The following PLOD2 variants were observed in gnomAD, a reference collection of about 807,000 sequenced individuals.
PLOD2 encodes lysine hydroxylase 2.
Under a neutral mutation model 101.0 loss-of-function variants are expected in PLOD2, and 65 were observed. The observed-to-expected ratio is 0.64, with a 90% CI of 0.53 to 0.79. The LOEUF is 0.79. Among genes scored for constraint, PLOD2 ranks in the 30% least tolerant of loss-of-function variants. The pLI is 0.00. For missense variants in PLOD2, 909 were observed against 914.6 expected (o/e 0.99, Z 0.08); for synonymous variants, 314 against 302.9 (o/e 1.04, Z -0.38).
chr3:146,117,996 CA>C (rs1937993198), intron 3 of PLOD2, among the ~76,000 whole-genome samples: 1 of 151,944 alleles, frequency 6.6e-6, no homozygotes, highest in Non-Finnish European at 1.5e-5. Flanking sequence ...TCCTAAAACC[CA>C]AAAGGAAGCT....
rs533002392 is a variant in PLOD2 at position 146,099,976 on chromosome 3, G to T, written c.777+2779C>A. Among the ~76,000 whole-genome samples the T allele has an allele frequency of 1.6e-4, 25 of 151,672 alleles. No individual in the cohort carries two copies. The South Asian group carries it at 2.3e-3, about 14-fold the overall frequency. ...TGGCTCACTGCAACCTGTCTCCCGG[G>T]TTGAAGCGATTCTCCTGCCTCAGCC... On this transcript the variant is annotated intron_variant, in intron 7 of 19. Transcript: ENST00000282903.
intron 3 of PLOD2, among the ~76,000 whole-genome samples, chr3:146,117,217 C>T (rs762075617): frequency 9.2e-5 from 14 of 152,050 alleles, no homozygotes; most frequent in Non-Finnish European, 1.9e-4. Flanking sequence ...TGATAGTGAC[C>T]TATGCTTCCA....
intron 7 of PLOD2, among the ~76,000 whole-genome samples, chr3:146,099,047 T>A (rs565770869): frequency 3.9e-4 from 60 of 152,256 alleles, no homozygotes; most frequent in African/African-American, 1.4e-3. Flanking sequence ...AAATATAATA[T>A]CTATAATAAA....
chr3:146,072,775 A>G lies in PLOD2; in HGVS notation c.1744-110T>C, dbSNP rs557523830. 1,249 of 725,240 alleles carry G rather than the reference A, an allele frequency of 1.7e-3. 25 individuals carry two copies. In the South Asian group the frequency reaches 0.019, roughly 11 times the overall value. 44.9% of individuals were successfully genotyped at this position (725,240 alleles called of 1,614,324 possible). A position where few individuals can be genotyped will look rare whatever the true frequency, so the allele number is the denominator to read the frequency against. ...AAAAAATCCTGTATGACTAGGAAAC[A>G]TAGTTTTCTGTCATGGTTTATTGAC... On this transcript the variant is annotated intron_variant, in intron 16 of 19. Coordinates refer to ENST00000282903, the MANE Select transcript of PLOD2 (RefSeq NM_182943.3).
At chr3:146,153,317 T>C (rs1193304356) in intron 1 of PLOD2, among the ~76,000 whole-genome samples, 1 of 152,148 alleles carries the variant, frequency 6.6e-6, no homozygotes, top group Non-Finnish European at 1.5e-5. Flanking sequence ...AAAGATGAGA[T>C]AGCTGTTGGT....
intron 11 of PLOD2, among the ~76,000 whole-genome samples, chr3:146,083,193 A>C (rs1343430595): frequency 6.6e-6 from 1 of 152,182 alleles, no homozygotes; most frequent in Non-Finnish European, 1.5e-5. Context: ...TGTATACCTC[A>C]ATGTTTTTGT....
intron 14 of PLOD2, chr3:146,077,659 C>T (rs1484181164): frequency 8.7e-6 from 4 of 461,122 alleles, no homozygotes; most frequent in Non-Finnish European, 1.5e-5. Context: ...AAATATAAAT[C>T]AGCTCAAAGA....
intron 1 of PLOD2, among the ~76,000 whole-genome samples, chr3:146,133,998 A>G (rs2031080845): frequency 6.6e-6 from 1 of 152,190 alleles, no homozygotes; most frequent in Non-Finnish European, 1.5e-5. Flanking sequence ...GAGTTTAACC[A>G]GTAGGTTCAG....
intron 13 of PLOD2, among the ~76,000 whole-genome samples, chr3:146,078,534 A>G (rs1238667537): frequency 4.0e-5 from 6 of 151,862 alleles, no homozygotes; most frequent in Non-Finnish European, 8.8e-5. Flanking sequence ...TAGTCATTTT[A>G]AGTTTTATAA....
rs1314762402 is a variant in PLOD2 at position 146,102,872 on chromosome 3, T to C, written c.680-20A>G. On this transcript the variant is annotated intron_variant, in intron 6 of 19. Coordinates refer to ENST00000282903, the MANE Select transcript of PLOD2 (RefSeq NM_182943.3). ...CTTCATCTGGGTTAAAAAGAGAAAA[T>C]AGGCTTTAGTAATTTAAAATACGTG... The C allele has an allele frequency of 2.4e-6, 3 of 1,268,674 alleles. No individual in the cohort carries two copies. Among genetic ancestry groups the C allele is most frequent in the South Asian group, 1.2e-5 (1 of 83,712 alleles). 78.6% of individuals were successfully genotyped at this position (1,268,674 alleles called of 1,614,324 possible).
At chr3:146,072,785 G>A (rs936963511) in intron 16 of PLOD2, 120 bp from the exon 17 acceptor site, 2 of 699,888 alleles carry the variant, frequency 2.9e-6, no homozygotes, top group East Asian at 2.7e-5. Flanking sequence ...ATAGTTTTCT[G>A]TCATGGTTTA....
chr3:146,072,784 T>C (rs1254675077), intron 16 of PLOD2, 119 bp from the exon 17 acceptor site: 8 of 700,842 alleles, frequency 1.1e-5, no homozygotes, highest in African/African-American at 7.2e-5. Flanking sequence ...CATAGTTTTC[T>C]GTCATGGTTT....
Position 146,161,177 on chromosome 3 carries a change from G to C in PLOD2, c.-188C>G, listed in dbSNP as rs1457359819. ...TGAGTGAGGTCGTCGGTGGAGGCAC[G>C]GAGCAGCAGGCGCCCGGGGCGCTGC... On this transcript the variant is annotated 5_prime_UTR_variant, in exon 1 of 20. Coordinates refer to ENST00000282903, the MANE Select transcript of PLOD2 (RefSeq NM_182943.3). The C allele has an allele frequency of 1.6e-5, 6 of 377,540 alleles. No individual in the cohort carries two copies. The highest frequency in any genetic ancestry group is 2.8e-5 in the Non-Finnish European group (6 of 216,308). The allele number at this position is 377,540 out of a possible 1,614,324, so 23.4% of individuals were successfully genotyped here.
At chr3:146,134,093 C>T (rs910810829) in intron 1 of PLOD2, among the ~76,000 whole-genome samples, 21 of 152,010 alleles carry the variant, frequency 1.4e-4, no homozygotes, top group African/African-American at 4.8e-4. Flanking sequence ...TCACTATCTC[C>T]CCACCAACTC....
intron 3 of PLOD2, among the ~76,000 whole-genome samples, chr3:146,112,624 G>A (rs572417970): frequency 2.0e-4 from 30 of 152,100 alleles, no homozygotes; most frequent in Non-Finnish European, 2.9e-4. Flanking sequence ...AGGTCAAGGC[G>A]GGCGGATCAT....
chr3:146,124,719 A>C (rs973343487), intron 1 of PLOD2, among the ~76,000 whole-genome samples: 3 of 152,128 alleles, frequency 2.0e-5, no homozygotes, highest in Non-Finnish European at 2.9e-5. Context: ...ATAAATTGTG[A>C]CAACTGGGAG....
rs367612672 is a variant in PLOD2 at position 146,088,642 on chromosome 3, T to C, written c.949A>G (p.Ile317Val). 3.8e-5 allele frequency: 61 copies of C among 1,601,094 alleles called. No individual in the cohort carries two copies. In the East Asian group the frequency reaches 4.9e-4, roughly 13 times the overall value. Residue 317 changes from isoleucine (I) to valine (V), a missense_variant, in exon 9 of 20, where the codon ATA becomes GTA. Transcript: ENST00000282903. ...TTTGGGTAATCCAGTGTCAACAATA[T>C]GTCCAGAAACCGAGGTAGAAAAGGG... ...PTPFLPRFLDILLTLDYPKEA... is the reference protein window; with the variant it reads ...PTPFLPRFLDVLLTLDYPKEA...
At chr3:146,158,806 C>G (rs1304783512) in intron 1 of PLOD2, among the ~76,000 whole-genome samples, 1 of 152,012 alleles carries the variant, frequency 6.6e-6, no homozygotes, top group African/African-American at 2.4e-5. Context: ...TCAATAGGGC[C>G]AAGAAATTGT....
chr3:146,086,255 C>G (rs937424236), intron 10 of PLOD2: 1 of 152,352 alleles, frequency 6.6e-6, no homozygotes, highest in Non-Finnish European at 1.5e-5. Context: ...CTGGCATATT[C>G]AATTAATATT....
Sources: allele counts gnomAD v4.1 joint callset (sites outside exome capture counted in the v4.1 genomes callset), GRCh38; gene constraint gnomAD v4.1.1; transcripts MANE v1.5; gene names NCBI Gene and HGNC (gene_info 2026-07-23, HGNC 2026-07-21).